Variants in FAT3 observed in about 807,000 individuals in gnomAD.
The protein encoded by FAT3 is protocadherin Fat 3.
FAT3 carries 95 observed loss-of-function variants against 310.2 expected under a neutral mutation model. That is an observed-to-expected ratio of 0.31 (90% CI 0.26 to 0.36). The LOEUF is 0.36. Ranked by LOEUF, FAT3 falls within the 10% of genes least tolerant of loss-of-function variation. The pLI is 1.00. For missense variants in FAT3, 5,408 were observed against 5,715.6 expected (o/e 0.95, Z 1.74); for synonymous variants, 2,314 against 2,192.9 (o/e 1.06, Z -1.54).
rs367844005 is a variant in FAT3 at position 92,893,824 on chromosome 11, A to C, written c.*2711A>C. Reference sequence around the variant, plus strand: ...CTCTGTAGATTATGAAATGCTTTGCAGTCAGGCCAAGATGCTACTAGGTGG... The same window carrying C: ...CTCTGTAGATTATGAAATGCTTTGCCGTCAGGCCAAGATGCTACTAGGTGG... On this transcript the variant is annotated 3_prime_UTR_variant, in exon 28 of 28. Transcript: ENST00000525166. 2 of 152,212 alleles carry C rather than the reference A, an allele frequency of 1.3e-5. No individual in the cohort carries two copies. The highest frequency in any genetic ancestry group is 6.5e-5 in the Admixed American group (1 of 15,282). 9.4% of individuals were successfully genotyped at this position (152,212 alleles called of 1,614,324 possible). A position where few individuals can be genotyped will look rare whatever the true frequency, so the allele number is the denominator to read the frequency against.
chr11:92,521,562 A>G (rs1362521115), intron 2 of FAT3, among the ~76,000 whole-genome samples: 2 of 152,132 alleles, frequency 1.3e-5, no homozygotes, highest in Non-Finnish European at 2.9e-5. Context: ...ACATTTAATG[A>G]TTACCACAAC....
chr11:92,312,394 C>T (rs989525388), intron 1 of FAT3, among the ~76,000 whole-genome samples: 1 of 152,180 alleles, frequency 6.6e-6, no homozygotes, highest in Admixed American at 6.5e-5. Context: ...TTCCCTCCCT[C>T]TATTCTTCCT....
chr11:92,401,142 T>G (rs1290196736), intron 2 of FAT3, among the ~76,000 whole-genome samples: 1 of 152,210 alleles, frequency 6.6e-6, no homozygotes, highest in Non-Finnish European at 1.5e-5. Flanking sequence ...AACCACCAGA[T>G]GCCATAAGCT....
intron 13 of FAT3, among the ~76,000 whole-genome samples, chr11:92,813,070 T>C (rs1459463762): frequency 5.3e-5 from 8 of 152,178 alleles, no homozygotes; most frequent in Non-Finnish European, 1.2e-4. Context: ...TGCTTCCCTT[T>C]GACCTTCTGC....
intron 2 of FAT3, among the ~76,000 whole-genome samples, chr11:92,520,311 A>C (rs927203450): frequency 1.3e-5 from 2 of 152,144 alleles, no homozygotes; most frequent in Non-Finnish European, 2.9e-5. Flanking sequence ...ACAGAAAGGT[A>C]ATCTGTGGTT....
chr11:92,530,760 G>GT (rs1174086191), intron 3 of FAT3, among the ~76,000 whole-genome samples: 1 of 152,070 alleles, frequency 6.6e-6, no homozygotes, highest in African/African-American at 2.4e-5. Context: ...AGATATGGAT[G>GT]TTCAAAAATA....
At chr11:92,452,872 C>T (rs1252022232) in intron 2 of FAT3, among the ~76,000 whole-genome samples, 1 of 152,140 alleles carries the variant, frequency 6.6e-6, no homozygotes, top group Non-Finnish European at 1.5e-5. Context: ...AACCTGGTCT[C>T]AAGCAACCCT....
intron 3 of FAT3, among the ~76,000 whole-genome samples, chr11:92,620,338 A>G (rs1159513835): frequency 2.6e-5 from 4 of 152,194 alleles, no homozygotes; most frequent in African/African-American, 9.7e-5. Flanking sequence ...GCCACTGAAT[A>G]TAGTGTTATG....
At chr11:92,785,396 A>G (rs1483220862) in intron 7 of FAT3, among the ~76,000 whole-genome samples, 2 of 152,184 alleles carry the variant, frequency 1.3e-5, no homozygotes, top group East Asian at 3.9e-4. Context: ...ATGCAATTAG[A>G]CAAGATAAAC....
At chr11:92,708,011 G>A (rs950613098) in intron 4 of FAT3, among the ~76,000 whole-genome samples, 1 of 152,204 alleles carries the variant, frequency 6.6e-6, no homozygotes, top group African/African-American at 2.4e-5. Flanking sequence ...GACCTTTCAA[G>A]TGCCTTGCTT....
chr11:92,290,092 C>T (rs902585847), intron 1 of FAT3, among the ~76,000 whole-genome samples: 3 of 152,196 alleles, frequency 2.0e-5, no homozygotes, highest in South Asian at 4.2e-4. Flanking sequence ...CTGTGCTCTT[C>T]CCCATCATCT....
chr11:92,596,574 T>C (rs892709746), intron 3 of FAT3, among the ~76,000 whole-genome samples: 29 of 152,262 alleles, frequency 1.9e-4, no homozygotes, highest in African/African-American at 1.2e-4. Context: ...GAGTAAACCA[T>C]GGGTACAGTG....
chr11:92,275,293 A>G (rs1392446141), intron 1 of FAT3, among the ~76,000 whole-genome samples: 1 of 152,056 alleles, frequency 6.6e-6, no homozygotes, highest in African/African-American at 2.4e-5. Flanking sequence ...ATGTTGCCAG[A>G]GTAATTTCCC....
At chr11:92,449,231 A>G (rs1951292585) in intron 2 of FAT3, among the ~76,000 whole-genome samples, 1 of 152,190 alleles carries the variant, frequency 6.6e-6, no homozygotes, top group South Asian at 2.1e-4. Flanking sequence ...AAAGAATTGT[A>G]TTTATCAATT....
At chr11:92,240,696 A>G (rs894153107) in intron 1 of FAT3, among the ~76,000 whole-genome samples, 21 of 151,898 alleles carry the variant, frequency 1.4e-4, no homozygotes, top group Non-Finnish European at 2.2e-4. Flanking sequence ...AGTTTGGCTC[A>G]TTTTATTGAC....
chr11:92,328,607 C>G (rs979210567), intron 1 of FAT3, among the ~76,000 whole-genome samples: 3 of 152,214 alleles, frequency 2.0e-5, no homozygotes, highest in Admixed American at 2.0e-4. Context: ...ATCCAATGCT[C>G]TGGCTTCTGT....
chr11:92,263,799 C>T (rs912133622), intron 1 of FAT3, among the ~76,000 whole-genome samples: 6 of 151,984 alleles, frequency 3.9e-5, no homozygotes, highest in Non-Finnish European at 8.8e-5. Flanking sequence ...AATTTTCTCC[C>T]TCCCTTTTTT....
intron 1 of FAT3, among the ~76,000 whole-genome samples, chr11:92,323,566 T>C (rs577283401): frequency 4.0e-5 from 6 of 151,066 alleles, no homozygotes; most frequent in Non-Finnish European, 7.4e-5. Context: ...TTAATACTTT[T>C]AAGGGAATCT....
Position 92,797,962 on chromosome 11 carries a change from C to T in FAT3, c.4949C>T (p.Pro1650Leu). 6.2e-7 allele frequency: 1 copy of T among 1,613,898 alleles called. No homozygotes were observed. The highest frequency in any genetic ancestry group is 8.5e-7 in the Non-Finnish European group (1 of 1,179,848). The part of the protein sequence containing the change: ...SIKVTDQGSP[P>L]MSATAIVRIS... Reference sequence around the variant, plus strand: ...AAAGTCACAGATCAGGGATCCCCGCCAATGTCTGCTACTGCAATTGTGCGC... The same window carrying T: ...AAAGTCACAGATCAGGGATCCCCGCTAATGTCTGCTACTGCAATTGTGCGC... Residue 1650 changes from proline to leucine, a missense_variant, in exon 10 of 28, where the codon CCA becomes CTA. Physicochemically the swap from Pro to Leu is moderately conservative, Grantham distance 98. Around this residue, in one of 5 missense-constraint regions of FAT3, gnomAD observed 4,588 missense variants for 4,809.8 expected, o/e 0.95. Transcript: ENST00000525166.
Sources: allele counts gnomAD v4.1 joint callset (sites outside exome capture counted in the v4.1 genomes callset), GRCh38; gene constraint gnomAD v4.1.1; regional missense constraint gnomAD v4.1.1; transcripts MANE v1.5; gene names NCBI Gene and HGNC (gene_info 2026-07-23, HGNC 2026-07-21).